Variants in PCDH15 observed in about 807,000 individuals in gnomAD.
PCDH15 encodes protocadherin-15.
Under a neutral mutation model 178.5 loss-of-function variants are expected in PCDH15, and 129 were observed. The ratio of observed to expected loss-of-function variants is 0.72; its 90% CI spans 0.63 to 0.84. PCDH15 has a LOEUF of 0.84. PCDH15 is among the 40% of genes least tolerant of loss of function. The pLI is 0.00. For synonymous variants in PCDH15, 800 were observed against 732.0 expected (o/e 1.09, Z -1.50); for missense variants, 2,230 against 2,099.9 (o/e 1.06, Z -1.21).
intron 20 of PCDH15, among the ~76,000 whole-genome samples, chr10:53,997,069 G>C (rs1254860524): frequency 6.6e-6 from 1 of 152,070 alleles, no homozygotes; most frequent in Non-Finnish European, 1.5e-5. Context: ...ATTCGCCATA[G>C]AGTTGAGTTC....
chr10:55,117,395 G>A (rs946195302), intron 2 of PCDH15, among the ~76,000 whole-genome samples: 4 of 152,160 alleles, frequency 2.6e-5, no homozygotes, highest in African/African-American at 9.7e-5. Flanking sequence ...AGCCTCTTTT[G>A]TCAACAGAAA....
At chr10:54,992,537 G>T (rs1047353176) in intron 2 of PCDH15, among the ~76,000 whole-genome samples, 2 of 152,042 alleles carry the variant, frequency 1.3e-5, no homozygotes, top group African/African-American at 4.8e-5. Context: ...CAGATCACAA[G>T]GTCAGGAGAT....
At chr10:55,202,648 T>G (rs572786793) in intron 1 of PCDH15, among the ~76,000 whole-genome samples, 1 of 152,140 alleles carries the variant, frequency 6.6e-6, no homozygotes, top group African/African-American at 2.4e-5. Flanking sequence ...CTCTACTTGA[T>G]GTGGTTTGGC....
chr10:54,233,412 G>A (rs2054283491), intron 9 of PCDH15, among the ~76,000 whole-genome samples: 1 of 152,172 alleles, frequency 6.6e-6, no homozygotes, highest in South Asian at 2.1e-4. Flanking sequence ...ATTAAAGAAT[G>A]TTTAACTTCC....
chr10:54,004,409 ACACACACACACACACAC>A (rs2092304801), intron 20 of PCDH15, among the ~76,000 whole-genome samples: 1 of 73,800 alleles, frequency 1.4e-5, no homozygotes, highest in Non-Finnish European at 2.6e-5. Context: ...ACACACACAC[ACACACACACACACACAC>A]CACACAAAGT....
chr10:55,271,755 G>T (rs1365561798), intron 1 of PCDH15, among the ~76,000 whole-genome samples: 2 of 151,956 alleles, frequency 1.3e-5, no homozygotes, highest in African/African-American at 2.4e-5. Context: ...TTCCTCACCT[G>T]GGAAGGCTTT....
rs375778260 is a variant in PCDH15, at chr10:54,844,429, C to T, written c.-29+53021G>A. Among the ~76,000 whole-genome samples the T allele has an allele frequency of 3.6e-4, 54 of 152,008 alleles. 1 individual carries two copies. The South Asian group carries it at 9.6e-3, about 27-fold the overall frequency. ...TTTTAAACAGAAATTTAGGCATATG[C>T]CTTCATAGTGCTGACACATATATGC... On this transcript the variant is annotated intron_variant, in intron 3 of 5. Transcript: ENST00000458638.
intron 2 of PCDH15, among the ~76,000 whole-genome samples, chr10:55,493,938 A>T (rs889359897): frequency 4.6e-5 from 7 of 151,816 alleles, no homozygotes; most frequent in African/African-American, 1.7e-4. Context: ...ATAAATCTAT[A>T]TTTTCTAGTT....
intron 26 of PCDH15, among the ~76,000 whole-genome samples, chr10:53,879,479 T>C (rs746692709): frequency 2.0e-5 from 3 of 152,052 alleles, no homozygotes; most frequent in Admixed American, 6.6e-5. Flanking sequence ...ATATAGAAGT[T>C]TGGAAGTTTG....
chr10:54,857,768 T>A (rs987428823), intron 3 of PCDH15, among the ~76,000 whole-genome samples: 1 of 152,086 alleles, frequency 6.6e-6, no homozygotes, highest in Non-Finnish European at 1.5e-5. Context: ...CTTTTAAAGT[T>A]GAATTTCAAC....
intron 15 of PCDH15, among the ~76,000 whole-genome samples, chr10:54,092,227 T>A (rs2094610927): frequency 6.6e-6 from 1 of 152,274 alleles, no homozygotes; most frequent in East Asian, 1.9e-4. Context: ...CCCACCAGAT[T>A]TACCTAAAAT....
intron 14 of PCDH15, among the ~76,000 whole-genome samples, chr10:54,138,366 T>A (rs926654129): frequency 6.6e-6 from 1 of 152,062 alleles, no homozygotes. Context: ...GCCCAACCAG[T>A]AGAAAGAAGA....
intron 2 of PCDH15, among the ~76,000 whole-genome samples, chr10:55,337,999 C>G (rs980253524): frequency 5.3e-5 from 8 of 152,012 alleles, no homozygotes; most frequent in African/African-American, 1.9e-4. Context: ...AGCAAAAGAT[C>G]TCTAGACATT....
At chr10:54,566,363 A>T (rs180991252) in intron 2 of PCDH15, among the ~76,000 whole-genome samples, 1 of 152,264 alleles carries the variant, frequency 6.6e-6, no homozygotes, top group African/African-American at 2.4e-5. Flanking sequence ...ATACTAGTTT[A>T]TATTAGGGTT....
chr10:55,119,174 A>G (rs1181848515), intron 2 of PCDH15, among the ~76,000 whole-genome samples: 1 of 152,144 alleles, frequency 6.6e-6, no homozygotes, highest in Non-Finnish European at 1.5e-5. Context: ...AGAAGTCTCA[A>G]TAATTTTAAA....
intron 8 of PCDH15, among the ~76,000 whole-genome samples, chr10:54,243,794 A>T (rs1401024831): frequency 6.6e-6 from 1 of 152,040 alleles, no homozygotes; most frequent in Non-Finnish European, 1.5e-5. Context: ...AGTATCAGAC[A>T]TATCGAAATG....
chr10:55,231,010 T>C (rs1009734358), intron 1 of PCDH15, among the ~76,000 whole-genome samples: 7 of 151,916 alleles, frequency 4.6e-5, no homozygotes, highest in Admixed American at 2.6e-4. Context: ...TATGTAGAGA[T>C]ACAGAGAAAC....
intron 3 of PCDH15, among the ~76,000 whole-genome samples, chr10:54,460,004 T>C (rs2077071892): frequency 6.6e-6 from 1 of 152,124 alleles, no homozygotes; most frequent in South Asian, 2.1e-4. Flanking sequence ...GCATTGAAGT[T>C]TTTCAAAATA....
At chr10:55,029,038 T>C (rs1294782896) in intron 2 of PCDH15, among the ~76,000 whole-genome samples, 1 of 152,020 alleles carries the variant, frequency 6.6e-6, no homozygotes, top group Non-Finnish European at 1.5e-5. Flanking sequence ...AATACTGCAT[T>C]GTACCAATAA....
Sources: gnomAD v4.1 joint callset for allele counts (sites outside exome capture counted in the v4.1 genomes callset) on GRCh38, gnomAD v4.1.1 for gene constraint, MANE v1.5 for transcripts, NCBI Gene and HGNC (gene_info 2026-07-23, HGNC 2026-07-21) for gene names.